KIF1B: variants seen among roughly 807,000 people sequenced by gnomAD.
KIF1B encodes the protein kinesin family member 1B, also known as kinesin-like protein KIF1B.
A neutral mutation model predicts 241.9 loss-of-function variants in KIF1B; 76 were observed. That is an observed-to-expected ratio of 0.31 (90% confidence interval 0.26 to 0.38). The LOEUF (loss-of-function observed/expected upper bound fraction) is 0.38, where lower values mean the gene tolerates loss of function less well. KIF1B is among the 10% of genes least tolerant of loss of function. The probability of loss-of-function intolerance (pLI) is 1.00; values close to 1 mark genes in which losing one functional copy is unlikely to be tolerated. For synonymous variants in KIF1B, 750 were observed against 796.7 expected (o/e 0.94, Z 0.99); for missense variants, 1,622 against 2,271.4 (o/e 0.71, Z 5.81).
At chr1:10,299,733 C>A (rs1435330739) in intron 22 of KIF1B, among the ~76,000 whole-genome samples, 1 of 152,062 alleles carries the variant, frequency 6.6e-6, no homozygotes, top group African/African-American at 2.4e-5. Flanking sequence ...TCAGTTAGTG[C>A]TCTAGGATAC....
chr1:10,371,027 CT>C, intron 44 of KIF1B, 113 bp from the exon 45 acceptor site: 1 of 1,260,116 alleles, frequency 7.9e-7, no homozygotes, highest in Non-Finnish European at 1.2e-6. Flanking sequence ...CTTAAATGAC[CT>C]TCTGAAACAA....
chr1:10,271,878 A>G (rs925035337), intron 8 of KIF1B, among the ~76,000 whole-genome samples: 2 of 152,248 alleles, frequency 1.3e-5, no homozygotes, highest in African/African-American at 4.8e-5. Context: ...GTTGAATTGC[A>G]TTTTAAGGAA....
At chr1:10,340,992 C>T (rs944363930) in intron 32 of KIF1B, among the ~76,000 whole-genome samples, 2 of 152,162 alleles carry the variant, frequency 1.3e-5, no homozygotes, top group African/African-American at 4.8e-5. Context: ...CAAAATATGC[C>T]ATCTTCTTTT....
intron 11 of KIF1B, among the ~76,000 whole-genome samples, 188 bp downstream of exon 11, chr1:10,275,691 G>A (rs929361314): frequency 1.3e-5 from 2 of 152,032 alleles, no homozygotes; most frequent in African/African-American, 4.8e-5. Context: ...TTAAGCCAGG[G>A]TATACTCCCA....
chr1:10,244,831 CT>C (rs1647186500), intron 2 of KIF1B, among the ~76,000 whole-genome samples: 2 of 151,558 alleles, frequency 1.3e-5, no homozygotes, highest in Admixed American at 6.6e-5. Context: ...CCAGGATGGT[CT>C]CAATCTCCTG....
intron 2 of KIF1B, among the ~76,000 whole-genome samples, chr1:10,239,120 C>T (rs1164613691): frequency 6.6e-6 from 1 of 151,940 alleles, no homozygotes; most frequent in African/African-American, 2.4e-5. Flanking sequence ...GGCTAATTTT[C>T]GTATTTTTTG....
chr1:10,331,255 G>A (rs1446369401), intron 27 of KIF1B, among the ~76,000 whole-genome samples: 1 of 152,226 alleles, frequency 6.6e-6, no homozygotes, highest in Non-Finnish European at 1.5e-5. Flanking sequence ...CTGTGTATGT[G>A]TTGACTTTGA....
Position 10,337,015 on chromosome 1 carries a change from T to A in KIF1B, c.3130-59T>A. 1 of 1,609,794 alleles carries A rather than the reference T, an allele frequency of 6.2e-7. No homozygotes were observed. The highest frequency in any genetic ancestry group is 8.5e-7 in the Non-Finnish European group (1 of 1,176,984). On this transcript the variant is annotated intron_variant, in intron 29 of 48. Transcript: ENST00000676179. This position sits in a 1 kb window ranked among gnomAD's most constrained non-coding sequence, Gnocchi z 4.0. ...GACAGATAAACAGAAGTAAGGCAAC[T>A]GGGGAAAAATACGTTTTTATACTAC...
chr1:10,304,237 T>G, intron 22 of KIF1B: 1 of 1,614,126 alleles, frequency 6.2e-7, no homozygotes, highest in Non-Finnish European at 8.5e-7. Context: ...GGATCCCCAG[T>G]TTCCATGGGG....
chr1:10,327,238 C>T (rs1169875296), intron 27 of KIF1B, among the ~76,000 whole-genome samples: 3 of 151,872 alleles, frequency 2.0e-5, no homozygotes, highest in African/African-American at 7.3e-5. Context: ...TGGTGGCTCA[C>T]GTCTGTAATC....
intron 1 of KIF1B, among the ~76,000 whole-genome samples, 185 bp from the exon 2 acceptor site, chr1:10,232,065 A>G (rs979580690): frequency 3.2e-4 from 49 of 152,126 alleles, no homozygotes; most frequent in Admixed American, 2.2e-3. Flanking sequence ...AACCAACATA[A>G]CAAGACCCCA....
In KIF1B at chr1:10,224,145, C is replaced by T. The variant is rs952969461; in HGVS notation, c.-79-8105C>T. Among the ~76,000 whole-genome samples the T allele has an allele frequency of 7.9e-5, 12 of 151,900 alleles. No individual in the cohort carries two copies. The East Asian group carries it at 9.8e-4, about 12-fold the overall frequency. On this transcript the variant is annotated intron_variant, in intron 1 of 48. Transcript: ENST00000676179. ...TGTTTGTTTGTTTGAGATGGAGTCT[C>T]GCTCTGTTGCCCAGGCTGGAGTGCA...
chr1:10,335,125 A>G (rs771644226), intron 28 of KIF1B, among the ~76,000 whole-genome samples: 4 of 152,136 alleles, frequency 2.6e-5, no homozygotes, highest in African/African-American at 7.2e-5. Context: ...TAAATTTTAT[A>G]GAGTTGGGGT....
At chr1:10,231,354 TTA>T (rs1467766693) in intron 1 of KIF1B, among the ~76,000 whole-genome samples, 2 of 151,338 alleles carry the variant, frequency 1.3e-5, no homozygotes, top group Non-Finnish European at 2.9e-5. Flanking sequence ...CAAACTATAA[TTA>T]ATGTATGGAG....
chr1:10,343,143 A>G, intron 33 of KIF1B, 89 bp from the exon 34 acceptor site: 1 of 1,380,342 alleles, frequency 7.2e-7, no homozygotes, highest in Non-Finnish European at 1.0e-6. Context: ...AAAGAGAAGG[A>G]AATTCAATTT....
intron 4 of KIF1B, among the ~76,000 whole-genome samples, chr1:10,260,667 C>T (rs567051482): frequency 6.6e-6 from 1 of 152,014 alleles, no homozygotes; most frequent in African/African-American, 2.4e-5. Flanking sequence ...GAGTTCGAGA[C>T]CAGCCTGACC....
intron 7 of KIF1B, among the ~76,000 whole-genome samples, chr1:10,270,852 G>T (rs559249670): frequency 6.6e-6 from 1 of 151,702 alleles, no homozygotes; most frequent in Non-Finnish European, 1.5e-5. Flanking sequence ...TTTGAACCCA[G>T]GAGGTGGAGG....
chr1:10,311,347 T>A (rs1651055930), intron 22 of KIF1B, among the ~76,000 whole-genome samples: 1 of 150,860 alleles, frequency 6.6e-6, no homozygotes, highest in Non-Finnish European at 1.5e-5. Flanking sequence ...TAGCTGGGAC[T>A]ACAGGTGAAC....
rs368641734 is a variant in KIF1B at position 10,303,376 on chromosome 1, A to G, written c.2115+6130A>G. 1.2e-6 allele frequency: 2 copies of G among 1,614,226 alleles called. No homozygotes were observed. Among genetic ancestry groups the G allele is most frequent in the Non-Finnish European group, 1.7e-6 (2 of 1,180,030 alleles). ...CTTGAGTAAAGATTCCAAGTGGGTC[A>G]CAATCTCAGATCTTAAAATTCAGGC... On this transcript the variant is annotated intron_variant, in intron 22 of 48. Coordinates refer to ENST00000676179, the MANE Select transcript of KIF1B (RefSeq NM_001365951.3). The surrounding 1 kb of genome is among the most constrained non-coding windows in gnomAD (Gnocchi z 5.2).
Sources: allele counts gnomAD v4.1 joint callset (sites outside exome capture counted in the v4.1 genomes callset), GRCh38; gene constraint gnomAD v4.1.1; non-coding constraint Gnocchi (gnomAD v3.1); transcripts MANE v1.5; gene names NCBI Gene and HGNC (gene_info 2026-07-23, HGNC 2026-07-21).